The following GGH variants were observed in gnomAD, a reference collection of about 807,000 sequenced individuals.
GGH encodes gamma-Glu-X carboxypeptidase.
Under a neutral mutation model 39.2 loss-of-function variants are expected in GGH, and 18 were observed. The ratio of observed to expected loss-of-function variants is 0.46; its 90% CI spans 0.32 to 0.68. The LOEUF is 0.68. GGH is among the 30% of genes least tolerant of loss of function. The pLI, the probability that GGH is intolerant of heterozygous loss-of-function variation, is 0.04. For synonymous variants in GGH, 147 were observed against 138.8 expected, an observed-to-expected ratio of 1.06 and a Z score of -0.42; for missense variants, 367 against 384.1, an observed-to-expected ratio of 0.96 and a Z score of 0.37.
chr8:63,028,776 G>A (rs889349352), intron 3 of GGH, among the ~76,000 whole-genome samples: 1 of 152,170 alleles, frequency 6.6e-6, no homozygotes, highest in Non-Finnish European at 1.5e-5. Context: ...CTGAGCATCT[G>A]GACAGGCTAG....
At chr8:63,026,685 G>T (rs1402932087) in intron 4 of GGH, among the ~76,000 whole-genome samples, 1 of 152,202 alleles carries the variant, frequency 6.6e-6, no homozygotes, top group Non-Finnish European at 1.5e-5. Context: ...GAGAGAAACA[G>T]CAAAGGTTTG....
At chr8:63,024,590 G>A (rs1302789979) in intron 5 of GGH, 4 of 158,516 alleles carry the variant, frequency 2.5e-5, no homozygotes, top group Non-Finnish European at 5.5e-5. Context: ...AGAGGTATCT[G>A]GGACAAACAA....
intron 7 of GGH, among the ~76,000 whole-genome samples, chr8:63,020,561 A>G (rs1339694468): frequency 6.6e-6 from 1 of 152,192 alleles, no homozygotes; most frequent in Non-Finnish European, 1.5e-5. Flanking sequence ...ATGGTAGAAA[A>G]GGCCTCTAGG....
At position 63,024,012 on chromosome 8, in the gene GGH, TAAAAC is replaced by T. The variant is rs764147437; in HGVS notation, c.607-20_607-16del. 2 of 1,564,336 alleles carry T rather than the reference TAAAAC, an allele frequency of 1.3e-6. No homozygotes were observed. The highest frequency in any genetic ancestry group is 2.2e-5 in the East Asian group (1 of 44,544). ...ATTGTAAAATTCTAGAATACGAAAA[TAAAAC>T]AAAATGATTACTTCTGCAGTTATTC... On this transcript the variant is annotated splice_polypyrimidine_tract_variant and intron_variant, in intron 6 of 8. Coordinates refer to ENST00000260118, the MANE Select transcript of GGH (RefSeq NM_003878.3).
chr8:63,017,629 T>A lies in GGH; in HGVS notation c.699A>T (p.Gly233=), dbSNP rs1335354980. The A allele has an allele frequency of 3.8e-6, 6 of 1,567,064 alleles. No individual in the cohort carries two copies. The Admixed American group carries it at 7.4e-5, about 19-fold the overall frequency. ...GGACACCATATACTGGATACTTATA[T>A]CCTGTAAGAAGAACACAAATTAGTA... ...GKIEFISTME[G]YKYPVYGVQW... The change falls in exon 8 of 9, where the codon GGA becomes GGT. Residue 233 remains glycine, a splice_region_variant and synonymous_variant. Transcript: ENST00000260118.
At chr8:63,025,874 A>G in intron 5 of GGH, among the ~76,000 whole-genome samples, 1 of 152,194 alleles carries the variant, frequency 6.6e-6, no homozygotes, top group East Asian at 1.9e-4. Flanking sequence ...AGTCAAAACC[A>G]GATCCCATTT....
Position 63,026,224 on chromosome 8 carries a change from TA to T in GGH, c.432del (p.Ser145ValfsTer6), listed in dbSNP as rs767747905. ...GTGGCAGTTAATAAGCACTCTCCAC[TA>T]ATCAGCAGTGAAAGCTCTTCAAATC... ...CLGFEELSLL[I>X]SGECLLTATD... On this transcript the variant is annotated frameshift_variant, in exon 5 of 9. Coordinates refer to ENST00000260118, the MANE Select transcript of GGH (RefSeq NM_003878.3). LOFTEE classifies it high-confidence loss of function. The T allele has an allele frequency of 2.5e-6, 4 of 1,610,664 alleles. No individual in the cohort carries two copies. In the South Asian group the frequency reaches 4.4e-5, roughly 18 times the overall value.
Position 63,024,196 on chromosome 8 carries a change from T to C in GGH, c.500-10A>G. On this transcript the variant is annotated splice_polypyrimidine_tract_variant and intron_variant, in intron 5 of 8. Transcript: ENST00000260118. ...CTGCTGTGCAATTGACCTGAAATAA[T>C]TTAAGTACAAGAGAAATAATTTAAA... The C allele has an allele frequency of 1.3e-6, 2 of 1,489,280 alleles. No homozygotes were observed. The highest frequency in any genetic ancestry group is 2.3e-5 in the South Asian group (2 of 86,874). The allele number at this position is 1,489,280 out of a possible 1,614,324, so 92.3% of individuals were successfully genotyped here. A position where few individuals can be genotyped will look rare whatever the true frequency, so the allele number is the denominator to read the frequency against.
chr8:63,017,456 T>TA, intron 8 of GGH, 37 bp downstream of exon 8: 1 of 1,500,004 alleles, frequency 6.7e-7, no homozygotes, highest in Non-Finnish European at 9.1e-7. Flanking sequence ...TCTTCAAAAC[T>TA]ACCCCAGAAT....
intron 1 of GGH, among the ~76,000 whole-genome samples, chr8:63,036,872 G>C (rs1235703248): frequency 6.6e-6 from 1 of 152,308 alleles, no homozygotes; most frequent in Non-Finnish European, 1.5e-5. Context: ...TCACCACTTT[G>C]TTTAACTACC....
chr8:63,021,328 G>A (rs558353880), intron 7 of GGH, among the ~76,000 whole-genome samples: 44 of 152,178 alleles, frequency 2.9e-4, no homozygotes, highest in Middle Eastern at 6.8e-3. Flanking sequence ...AAAATGTCAC[G>A]TACATTTCTA....
At chr8:63,032,757 C>T (rs12675369) in intron 2 of GGH, among the ~76,000 whole-genome samples, 11,722 of 152,220 alleles carry the variant, frequency 0.077, 761 homozygotes, top group East Asian at 0.34. Context: ...TCCAATATAC[C>T]TTAAGTGAAC....
At chr8:63,035,090 C>T (rs1184523612) in intron 2 of GGH, among the ~76,000 whole-genome samples, 1 of 152,008 alleles carries the variant, frequency 6.6e-6, no homozygotes, top group East Asian at 1.9e-4. Context: ...TGAGAACCAC[C>T]TTTTCTGGGA....
intron 2 of GGH, among the ~76,000 whole-genome samples, chr8:63,034,500 C>A (rs1804864917): frequency 6.6e-6 from 1 of 152,094 alleles, no homozygotes; most frequent in African/African-American, 2.4e-5. Flanking sequence ...TGAAATCACT[C>A]AAAATGGATT....
In GGH at chr8:63,027,239, T is replaced by G; in HGVS notation, c.302A>C (p.Asp101Ala). 1 of 1,597,234 alleles carries G rather than the reference T, an allele frequency of 6.3e-7. No homozygotes were observed. The change falls in exon 4 of 9, where the codon GAC (aspartate) becomes GCC (alanine). Residue 101 changes from aspartate to alanine, a missense_variant. By Grantham distance (126) the Asp-to-Ala change is moderately radical (BLOSUM62 -2). Transcript: ENST00000260118. ...NGILFPGGSVDLRRSDYAKVA... is the reference protein window; with the variant it reads ...NGILFPGGSVALRRSDYAKVA... ...TTTAGCATAATCTGAGCGTCTGAGG[T>G]CAACACTTCCTCCAGGGAAAAGGAT...
chr8:63,017,827 T>A, intron 7 of GGH, 197 bp from the exon 8 acceptor site: 1 of 470,758 alleles, frequency 2.1e-6, no homozygotes, highest in Non-Finnish European at 3.7e-6. Context: ...TTTCACTGAT[T>A]AGCAACCTTT....
intron 7 of GGH, among the ~76,000 whole-genome samples, chr8:63,022,766 G>A (rs942177477): frequency 6.6e-5 from 10 of 151,456 alleles, no homozygotes; most frequent in African/African-American, 2.4e-4. Flanking sequence ...GACCTCAGGT[G>A]ATCCGCCCCG....
chr8:63,026,136 G>T (rs1804678799), intron 5 of GGH, 22 bp downstream of exon 5: 1 of 1,533,914 alleles, frequency 6.5e-7, no homozygotes, highest in Non-Finnish European at 8.7e-7. Context: ...ATTTTTCAAA[G>T]GGTTGAAAAG....
At chr8:63,026,914 C>G (rs778064979) in intron 4 of GGH, 6 of 414,532 alleles carry the variant, frequency 1.4e-5, no homozygotes, top group South Asian at 3.5e-5. Context: ...ATCAGAATGT[C>G]TACACTACAT....
Sources: gnomAD v4.1 joint callset for allele counts (sites outside exome capture counted in the v4.1 genomes callset) on GRCh38, gnomAD v4.1.1 for gene constraint, MANE v1.5 for transcripts, NCBI Gene and HGNC (gene_info 2026-07-23, HGNC 2026-07-21) for gene names.